GALNT10: variants seen among roughly 807,000 people sequenced by gnomAD.
The protein encoded by GALNT10 is polypeptide N-acetylgalactosaminyltransferase 10, also known as GalNAc transferase 10.
GALNT10 carries 41 observed loss-of-function variants against 75.0 expected under a neutral mutation model. That is an observed-to-expected ratio of 0.55 (90% CI 0.43 to 0.71). The LOEUF (loss-of-function observed/expected upper bound fraction) is 0.71, where lower values mean the gene tolerates loss of function less well. Ranked by LOEUF, GALNT10 falls within the 30% of genes least tolerant of loss-of-function variation. The probability of loss-of-function intolerance (pLI) is 0.00; values close to 1 mark genes in which losing one functional copy is unlikely to be tolerated. For missense variants in GALNT10, 727 were observed against 818.5 expected (o/e 0.89, Z 1.36); for synonymous variants, 302 against 313.0 (o/e 0.96, Z 0.37).
intron 1 of GALNT10, among the ~76,000 whole-genome samples, chr5:154,274,416 T>A (rs1753918755): frequency 6.6e-6 from 1 of 152,228 alleles, no homozygotes; most frequent in Non-Finnish European, 1.5e-5. Context: ...GTTACTTAGC[T>A]TCTTGGAGTC....
intron 1 of GALNT10, among the ~76,000 whole-genome samples, chr5:154,216,635 C>T (rs1321252064): frequency 1.3e-5 from 2 of 152,132 alleles, no homozygotes; most frequent in South Asian, 2.1e-4. Context: ...TAAAATGCAC[C>T]TCCAAGTCTT....
chr5:154,206,526 G>T (rs1434176940), intron 1 of GALNT10, among the ~76,000 whole-genome samples: 1 of 152,222 alleles, frequency 6.6e-6, no homozygotes, highest in Non-Finnish European at 1.5e-5. Context: ...ATCAGCCAGT[G>T]CTGCGGGAAG....
In GALNT10 at chr5:154,336,910, C is replaced by T. The variant is rs542657156; in HGVS notation, c.568+7172C>T. 4.6e-5 allele frequency among the ~76,000 whole-genome samples: 7 copies of T among 152,248 alleles called. No homozygotes were observed. The South Asian group carries it at 8.3e-4, about 18-fold the overall frequency. On this transcript the variant is annotated intron_variant, in intron 4 of 11. Transcript: ENST00000297107. ...CCATACTGGCCTCAATGATATCAGA[C>T]CTCTTCTTTCTACTTATAAATTTAA... is the stretch of plus-strand genomic sequence containing the variant.
At chr5:154,386,475 A>G (rs1383677739) in intron 7 of GALNT10, 45 bp downstream of exon 7, 3 of 1,197,608 alleles carry the variant, frequency 2.5e-6, no homozygotes, top group Non-Finnish European at 3.8e-6. Flanking sequence ...CAGCCTCCTG[A>G]GTGCCTGTCC....
At chr5:154,204,266 G>C (rs988908897) in intron 1 of GALNT10, among the ~76,000 whole-genome samples, 7 of 152,126 alleles carry the variant, frequency 4.6e-5, no homozygotes, top group African/African-American at 1.4e-4. Context: ...TTCTCTGCTG[G>C]ATCTGACTGC....
At chr5:154,225,808 T>TTTC (rs1310325483) in intron 1 of GALNT10, among the ~76,000 whole-genome samples, 1 of 152,298 alleles carries the variant, frequency 6.6e-6, no homozygotes, top group African/African-American at 2.4e-5. Flanking sequence ...TCCTTTGGAT[T>TTTC]TTTTTCTCAT....
At chr5:154,240,417 G>T (rs939366691) in intron 1 of GALNT10, among the ~76,000 whole-genome samples, 1 of 152,200 alleles carries the variant, frequency 6.6e-6, no homozygotes, top group African/African-American at 2.4e-5. Flanking sequence ...TGTTAGTGAG[G>T]TCATAATCCC....
chr5:154,415,764 A>C lies in GALNT10; in HGVS notation c.1504-19A>C, dbSNP rs542468470. The C allele has an allele frequency of 6.2e-7, 1 of 1,600,706 alleles. No individual in the cohort carries two copies. Among genetic ancestry groups the C allele is most frequent in the African/African-American group, 1.3e-5 (1 of 74,486 alleles). ...GTCCTTGGCTTTGCTATCCCTATTT[A>C]TGATGCCCCTGTGCACAGGTATTCA... On this transcript the variant is annotated intron_variant, in intron 10 of 11. Transcript: ENST00000297107.
At chr5:154,233,468 A>G (rs566696618) in intron 1 of GALNT10, among the ~76,000 whole-genome samples, 1 of 152,348 alleles carries the variant, frequency 6.6e-6, no homozygotes, top group East Asian at 1.9e-4. Flanking sequence ...TCTGCAAGGA[A>G]AAGTGGGCTT....
Position 154,298,206 on chromosome 5 carries a change from G to A in GALNT10, c.401+127G>A. On this transcript the variant is annotated intron_variant, in intron 3 of 11. Transcript: ENST00000297107. The surrounding 1 kb of genome is among the most constrained non-coding windows in gnomAD (Gnocchi z 4.1). ...ACACCCTCCTCTTTCACAGGCATTT[G>A]TGCAAAGGTTCATGGTGTTGAGGGG... The A allele has an allele frequency of 1.2e-6, 1 of 831,556 alleles. No individual in the cohort carries two copies. Among genetic ancestry groups the A allele is most frequent in the Non-Finnish European group, 2.0e-6 (1 of 510,028 alleles). The allele number at this position is 831,556 out of a possible 1,614,324, so 51.5% of individuals were successfully genotyped here. A position where few individuals can be genotyped will look rare whatever the true frequency, so the allele number is the denominator to read the frequency against.
intron 1 of GALNT10, among the ~76,000 whole-genome samples, chr5:154,286,294 T>C (rs17553077): frequency 0.46 from 69,873 of 151,986 alleles, 17,190 homozygotes; most frequent in East Asian, 0.85. Context: ...CTTAAGTTGA[T>C]GGACAGATGG....
rs143203684 is a variant in GALNT10, at chr5:154,385,723, T to G, written c.939-590T>G. On this transcript the variant is annotated intron_variant, in intron 6 of 11. Coordinates refer to ENST00000297107, the MANE Select transcript of GALNT10 (RefSeq NM_198321.4). The stretch of plus-strand genomic sequence containing the variant: ...AGAGAATGAATGAATGGAGTTAATC[T>G]TATCTCCCAGTTTAACTGAAAAGAC... 7.7e-3 allele frequency among the ~76,000 whole-genome samples: 1,166 copies of G among 152,312 alleles called. 20 individuals carry two copies. Among genetic ancestry groups the G allele is most frequent in the African/African-American group, 0.027 (1,134 of 41,558 alleles).
intron 4 of GALNT10, among the ~76,000 whole-genome samples, chr5:154,359,315 TG>T (rs1227115629): frequency 6.6e-6 from 1 of 152,124 alleles, no homozygotes; most frequent in Non-Finnish European, 1.5e-5. Flanking sequence ...CAGGAGTGTT[TG>T]ACCCTAGAGA....
intron 1 of GALNT10, among the ~76,000 whole-genome samples, chr5:154,270,655 G>C (rs1488057756): frequency 6.6e-6 from 1 of 152,110 alleles, no homozygotes; most frequent in East Asian, 1.9e-4. Context: ...CAGATGAAGA[G>C]ACTGAGGCCT....
At chr5:154,350,555 A>C (rs141548114) in intron 4 of GALNT10, among the ~76,000 whole-genome samples, 50 of 152,350 alleles carry the variant, frequency 3.3e-4, no homozygotes, top group Middle Eastern at 3.4e-3. Context: ...GCTGCTTATC[A>C]TACAAAAACC....
rs572521892 is a variant in GALNT10, at chr5:154,222,616, C to G, written c.159+31591C>G. Among the ~76,000 whole-genome samples the G allele has an allele frequency of 1.9e-4, 29 of 152,326 alleles. 1 individual carries two copies. The South Asian group carries it at 6.0e-3, about 32-fold the overall frequency. ...AGAGTCTGGCTGCTCCGCATCCTCA[C>G]CAACACTTAGAATGGTCAGTCTTTA... is the stretch of plus-strand genomic sequence containing the variant. On this transcript the variant is annotated intron_variant, in intron 1 of 11. Coordinates refer to ENST00000297107, the MANE Select transcript of GALNT10 (RefSeq NM_198321.4).
At chr5:154,381,857 C>T (rs1755739999) in intron 6 of GALNT10, among the ~76,000 whole-genome samples, 1 of 152,230 alleles carries the variant, frequency 6.6e-6, no homozygotes, top group Non-Finnish European at 1.5e-5. Context: ...TTTCCTGCCT[C>T]CTTCTTTCAC....
chr5:154,416,903 C>G lies in GALNT10; in HGVS notation c.1743C>G (p.Ser581=). 6.2e-7 allele frequency: 1 copy of G among 1,613,838 alleles called. No homozygotes were observed. Among genetic ancestry groups the G allele is most frequent in the Non-Finnish European group, 8.5e-7 (1 of 1,179,688 alleles). Residue 581 remains serine, a synonymous_variant, in exon 12 of 12, where the codon TCC becomes TCG. Coordinates refer to ENST00000297107, the MANE Select transcript of GALNT10 (RefSeq NM_198321.4). This position sits in a 1 kb window ranked among gnomAD's most constrained non-coding sequence, Gnocchi z 4.5. ...TCTTCATGAACACCTGCAACCCATC[C>G]TCTCTCACCCAGCAGTGGCTGTTTG... ...HRIFMNTCNP[S]SLTQQWLFEH...
Position 154,376,443 on chromosome 5 carries a change from C to T in GALNT10, c.735C>T (p.Asn245=). The part of the protein sequence containing the change: ...FLDSHCEANV[N]WLPPLLDRIA... ...ATTCACACTGTGAAGCCAATGTCAA[C>T]TGGCTTCCCCCCTTGCTTGGTAAGG... Residue 245 remains asparagine, a synonymous_variant, in exon 5 of 12, where the codon AAC becomes AAT. Transcript: ENST00000297107. This position sits in a 1 kb window ranked among gnomAD's most constrained non-coding sequence, Gnocchi z 4.1. 6.3e-7 allele frequency: 1 copy of T among 1,584,022 alleles called. No homozygotes were observed. Among genetic ancestry groups the T allele is most frequent in the Non-Finnish European group, 8.6e-7 (1 of 1,169,066 alleles).
Sources: allele counts gnomAD v4.1 joint callset (sites outside exome capture counted in the v4.1 genomes callset), GRCh38; gene constraint gnomAD v4.1.1; non-coding constraint Gnocchi (gnomAD v3.1); transcripts MANE v1.5; gene names NCBI Gene and HGNC (gene_info 2026-07-23, HGNC 2026-07-21).